Variants in CHEK2 observed in about 807,000 individuals in gnomAD.
The protein encoded by CHEK2 is serine/threonine-protein kinase Chk2.
CHEK2 carries 71 observed loss-of-function variants against 69.1 expected under a neutral mutation model. The observed-to-expected ratio is 1.03, with a 90% CI of 0.85 to 1.25. The LOEUF (loss-of-function observed/expected upper bound fraction) is 1.25, where lower values mean the gene tolerates loss of function less well. CHEK2 is among the 50% of genes most tolerant of loss of function. The probability of loss-of-function intolerance (pLI) is 0.00; values close to 1 mark genes in which losing one functional copy is unlikely to be tolerated. For missense variants in CHEK2, 664 were observed against 649.6 expected (o/e 1.02, Z -0.24); for synonymous variants, 189 against 226.9 (o/e 0.83, Z 1.50).
At chr22:28,729,654 C>T (rs2054134234) in intron 2 of CHEK2, among the ~76,000 whole-genome samples, 1 of 150,432 alleles carries the variant, frequency 6.6e-6, no homozygotes, top group Non-Finnish European at 1.5e-5. Context: ...AAAATAGACA[C>T]AGAAAAAAAT....
intron 7 of CHEK2, among the ~76,000 whole-genome samples, chr22:28,707,852 T>TG (rs1474226371): frequency 2.0e-5 from 3 of 146,768 alleles, no homozygotes; most frequent in East Asian, 2.0e-4. Context: ...TTTTTTTTTT[T>TG]GTGAGACGGA....
intron 7 of CHEK2, among the ~76,000 whole-genome samples, chr22:28,705,112 G>A (rs1209044619): frequency 1.4e-5 from 2 of 144,310 alleles, no homozygotes; most frequent in African/African-American, 2.6e-5. Flanking sequence ...GGAGTCTTGC[G>A]CTGTCACCCA....
In CHEK2 at chr22:28,710,005, CA is replaced by C; in HGVS notation, c.846del (p.Pro283LeufsTer21). 1 of 1,475,226 alleles carries C rather than the reference CA, an allele frequency of 6.8e-7. No individual in the cohort carries two copies. Among genetic ancestry groups the C allele is most frequent in the African/African-American group, 1.4e-5 (1 of 72,148 alleles). The allele number at this position is 1,475,226 out of a possible 1,614,324, so 91.4% of individuals were successfully genotyped here. On this transcript the variant is annotated frameshift_variant and splice_region_variant, in exon 7 of 15. Coordinates refer to ENST00000404276, the MANE Select transcript of CHEK2 (RefSeq NM_007194.4). LOFTEE classifies it high-confidence loss of function. ...TEIEILKKLN[H>X]PCIIKIKNFF... ...AGTATGAGTCATATAATAATACTTACATGATTTAGCTTTTTCAAAATTTCTA... is the reference window on the plus strand; with the variant it reads ...AGTATGAGTCATATAATAATACTTACTGATTTAGCTTTTTCAAAATTTCTA...
At chr22:28,721,292 T>TTG (rs2053769896) in intron 4 of CHEK2, among the ~76,000 whole-genome samples, 3 of 146,108 alleles carry the variant, frequency 2.1e-5, no homozygotes, top group African/African-American at 7.6e-5. Flanking sequence ...TTTTTTTTTT[T>TTG]TTTTTTTTTT....
chr22:28,699,331 T>C (rs2052723156), intron 9 of CHEK2, among the ~76,000 whole-genome samples: 1 of 151,502 alleles, frequency 6.6e-6, no homozygotes, highest in African/African-American at 2.4e-5. Flanking sequence ...CCTTTCTTAC[T>C]TTCTCTTAAG....
chr22:28,703,388 C>A, intron 8 of CHEK2, 117 bp downstream of exon 8: 2 of 679,218 alleles, frequency 2.9e-6, no homozygotes, highest in Non-Finnish European at 5.4e-6. Flanking sequence ...GGCCCCACTA[C>A]TACATACATA....
intron 12 of CHEK2, among the ~76,000 whole-genome samples, chr22:28,694,417 C>T (rs1209191792): frequency 6.6e-6 from 1 of 152,160 alleles, no homozygotes; most frequent in Non-Finnish European, 1.5e-5. Context: ...TAAACTTCTA[C>T]CCAATTCTAA....
chr22:28,740,276 C>A lies in CHEK2; in HGVS notation c.-7+1493G>T, dbSNP rs556828324. On this transcript the variant is annotated intron_variant, in intron 1 of 14. Coordinates refer to ENST00000404276, the MANE Select transcript of CHEK2 (RefSeq NM_007194.4). ...TGTTATTAGTCCTCACAAGAAAATT[C>A]TTTGGTCATAAGAGCAGGACTTTAT... 2.0e-5 allele frequency among the ~76,000 whole-genome samples: 3 copies of A among 152,292 alleles called. No individual in the cohort carries two copies. In the South Asian group the frequency reaches 6.2e-4, roughly 32 times the overall value.
chr22:28,728,685 G>C (rs2054090958), intron 2 of CHEK2, among the ~76,000 whole-genome samples: 1 of 152,032 alleles, frequency 6.6e-6, no homozygotes, highest in African/African-American at 2.4e-5. Context: ...CTGGGTGACA[G>C]AGAGAGAGAC....
intron 1 of CHEK2, among the ~76,000 whole-genome samples, chr22:28,740,187 G>A (rs1260566728): frequency 6.6e-6 from 1 of 152,040 alleles, no homozygotes; most frequent in African/African-American, 2.4e-5. Flanking sequence ...GTGACAAAGC[G>A]AGACTCTGTC....
At chr22:28,704,278 T>A (rs548007839) in intron 7 of CHEK2, among the ~76,000 whole-genome samples, 1 of 152,074 alleles carries the variant, frequency 6.6e-6, no homozygotes, top group East Asian at 1.9e-4. Context: ...GACTTCATAC[T>A]TAGCACACCT....
At chr22:28,699,310 T>G (rs895337148) in intron 9 of CHEK2, among the ~76,000 whole-genome samples, 1 of 151,978 alleles carries the variant, frequency 6.6e-6, no homozygotes, top group African/African-American at 2.4e-5. Flanking sequence ...GTCTATTTAT[T>G]TCTTTAATTC....
rs1569171353 is a variant in CHEK2 at position 28,734,623 on chromosome 22, TGAG to T, written c.96_98del (p.Ser33del). The T allele has an allele frequency of 6.2e-7, 1 of 1,613,728 alleles. No homozygotes were observed. Among genetic ancestry groups the T allele is most frequent in the East Asian group, 2.2e-5 (1 of 44,842 alleles). The stretch of plus-strand genomic sequence containing the variant: ...AGGAGCTGGATATGCCCTGGGACTG[TGAG>T]GAGGAGCCTTGGGACTGGGTAACGC... On this transcript the variant is annotated inframe_deletion, in exon 2 of 15. Coordinates refer to ENST00000404276, the MANE Select transcript of CHEK2 (RefSeq NM_007194.4).
intron 9 of CHEK2, among the ~76,000 whole-genome samples, chr22:28,699,014 C>G (rs760346304): frequency 9.2e-5 from 14 of 152,058 alleles, no homozygotes; most frequent in Non-Finnish European, 1.8e-4. Context: ...CATGTTATCT[C>G]TTTTTTTAAA....
chr22:28,730,585 C>T, intron 2 of CHEK2: 3 of 666,442 alleles, frequency 4.5e-6, no homozygotes, highest in African/African-American at 3.5e-5. Context: ...AGGCCAGCCA[C>T]GGTGGCTCAT....
At chr22:28,712,224 C>A in intron 5 of CHEK2, 1 of 589,396 alleles carries the variant, frequency 1.7e-6, no homozygotes. Context: ...GCTCCAAATT[C>A]CATTTCTGAG....
At chr22:28,711,244 T>C (rs776040248) in intron 6 of CHEK2, among the ~76,000 whole-genome samples, 12 of 152,314 alleles carry the variant, frequency 7.9e-5, no homozygotes, top group Admixed American at 2.0e-4. Context: ...AGAAAGGCTA[T>C]TTCAATGATT....
At chr22:28,688,538 G>A (rs1226985285) in intron 14 of CHEK2, among the ~76,000 whole-genome samples, 3 of 152,092 alleles carry the variant, frequency 2.0e-5, no homozygotes, top group African/African-American at 4.8e-5. Context: ...GCACAGTGGC[G>A]GACACCTGTA....
At chr22:28,725,973 G>A (rs1182074458) in intron 2 of CHEK2, among the ~76,000 whole-genome samples, 1 of 150,828 alleles carries the variant, frequency 6.6e-6, no homozygotes, top group Non-Finnish European at 1.5e-5. Flanking sequence ...GGGAGGCTGA[G>A]ACGAATGGAT....
Sources: gnomAD v4.1 joint callset for allele counts (sites outside exome capture counted in the v4.1 genomes callset) on GRCh38, gnomAD v4.1.1 for gene constraint, MANE v1.5 for transcripts, NCBI Gene and HGNC (gene_info 2026-07-23, HGNC 2026-07-21) for gene names.